ROBO1: variants seen among roughly 807,000 people sequenced by gnomAD.
The protein encoded by ROBO1 is roundabout guidance receptor 1, also known as roundabout homolog 1.
ROBO1 carries 149 observed loss-of-function variants against 195.9 expected under a neutral mutation model. That is an observed-to-expected ratio of 0.76 (90% confidence interval 0.67 to 0.87). The LOEUF (loss-of-function observed/expected upper bound fraction) is 0.87, where lower values mean the gene tolerates loss of function less well. ROBO1 is among the 40% of genes least tolerant of loss of function. The pLI is 0.00. For missense variants in ROBO1, 1,933 were observed against 2,068.3 expected, an observed-to-expected ratio of 0.93 and a Z score of 1.27; for synonymous variants, 816 against 733.2, an observed-to-expected ratio of 1.11 and a Z score of -1.82.
intron 4 of ROBO1, among the ~76,000 whole-genome samples, chr3:78,908,821 T>C (rs1482742295): frequency 5.3e-5 from 8 of 151,952 alleles, no homozygotes; most frequent in Non-Finnish European, 7.4e-5. Flanking sequence ...TCTAATAGTT[T>C]AGTCTTTAGT....
At chr3:79,703,986 G>C (rs1415788930) in intron 1 of ROBO1, among the ~76,000 whole-genome samples, 1 of 151,916 alleles carries the variant, frequency 6.6e-6, no homozygotes, top group Non-Finnish European at 1.5e-5. Context: ...GACACCTACA[G>C]TCATAATATG....
At chr3:79,070,140 A>G (rs2079062993) in intron 3 of ROBO1, among the ~76,000 whole-genome samples, 1 of 151,862 alleles carries the variant, frequency 6.6e-6, no homozygotes, top group African/African-American at 2.4e-5. Flanking sequence ...TCTCCTGAGA[A>G]AGAGAAGAAT....
At chr3:79,108,783 T>C (rs1394052663) in intron 3 of ROBO1, among the ~76,000 whole-genome samples, 1 of 151,864 alleles carries the variant, frequency 6.6e-6, no homozygotes, top group Non-Finnish European at 1.5e-5. Context: ...ACCCCTATTC[T>C]AGGAATGGTA....
intron 2 of ROBO1, among the ~76,000 whole-genome samples, chr3:79,507,290 T>A (rs932921350): frequency 2.6e-5 from 4 of 152,168 alleles, no homozygotes; most frequent in Non-Finnish European, 4.4e-5. Flanking sequence ...GTCTACACAC[T>A]CTGAGAACAA....
chr3:79,317,334 C>A (rs1365708700), intron 2 of ROBO1, among the ~76,000 whole-genome samples: 1 of 152,044 alleles, frequency 6.6e-6, no homozygotes, highest in Non-Finnish European at 1.5e-5. Context: ...TTCCATCTGA[C>A]CCTCATTTTC....
intron 1 of ROBO1, among the ~76,000 whole-genome samples, chr3:79,650,933 T>C (rs1435777911): frequency 2.0e-5 from 3 of 152,042 alleles, no homozygotes; most frequent in Admixed American, 1.3e-4. Context: ...AAATGTTTTC[T>C]CTTTTCTCAT....
At chr3:79,623,757 A>C (rs1013705831) in intron 1 of ROBO1, among the ~76,000 whole-genome samples, 3 of 152,208 alleles carry the variant, frequency 2.0e-5, no homozygotes, top group Non-Finnish European at 4.4e-5. Context: ...AATGGAAACA[A>C]GCTGTTAAAC....
In ROBO1 at chr3:79,120,790, A is replaced by G. The variant is rs139249440; in HGVS notation, c.172+4666T>C. On this transcript the variant is annotated intron_variant, in intron 3 of 30. Transcript: ENST00000464233. ...TATACAGAAAAGGAAAGGTACTTAC[A>G]GTGTCATACTTAGCTCTGAAGCAGA... Among the ~76,000 whole-genome samples, 244 of 152,286 alleles carry G rather than the reference A, an allele frequency of 1.6e-3. 2 individuals carry two copies. The highest frequency in any genetic ancestry group is 5.3e-3 in the African/African-American group (222 of 41,572).
In ROBO1 at chr3:78,938,873, T is replaced by C; in HGVS notation, c.227A>G (p.Asp76Gly). The part of the protein sequence containing the change: ...FPPRIVEHPS[D>G]LIVSKGEPAT... ...AGGTTCTCCTTTTGAGACAATCAGGTCTGAAGGGTGTTCAACAATGCGAGG... is the reference window on the plus strand; with the variant it reads ...AGGTTCTCCTTTTGAGACAATCAGGCCTGAAGGGTGTTCAACAATGCGAGG... The change falls in exon 4 of 31, where the codon GAC becomes GGC. Residue 76 changes from aspartate to glycine, a missense_variant. Physicochemically the swap from Asp to Gly is moderately conservative, Grantham distance 94. Around this residue, in one of 3 missense-constraint regions of ROBO1, gnomAD observed 185 missense variants for 159.5 expected, o/e 1.16. Transcript: ENST00000464233. 6.2e-7 allele frequency: 1 copy of C among 1,613,984 alleles called. No individual in the cohort carries two copies. The highest frequency in any genetic ancestry group is 1.1e-5 in the South Asian group (1 of 91,078).
At chr3:78,922,717 C>T (rs1348657160) in intron 4 of ROBO1, among the ~76,000 whole-genome samples, 5 of 150,160 alleles carry the variant, frequency 3.3e-5, no homozygotes, top group South Asian at 2.2e-4. Flanking sequence ...TCAAGCGATT[C>T]TCCTGCCTCA....
chr3:79,711,640 C>A (rs1702278846), intron 1 of ROBO1, among the ~76,000 whole-genome samples: 1 of 151,832 alleles, frequency 6.6e-6, no homozygotes, highest in South Asian at 2.1e-4. Context: ...GCTAATGTTA[C>A]TGTTAAAACA....
chr3:79,000,664 A>G (rs144724244), intron 3 of ROBO1, among the ~76,000 whole-genome samples: 1 of 152,296 alleles, frequency 6.6e-6, no homozygotes, highest in African/African-American at 2.4e-5. Context: ...GAACACTTTT[A>G]CACTGTTGGG....
chr3:79,698,343 C>T (rs1020205966), intron 1 of ROBO1, among the ~76,000 whole-genome samples: 3 of 151,278 alleles, frequency 2.0e-5, no homozygotes, highest in Non-Finnish European at 4.4e-5. Context: ...GCTCATTCTA[C>T]CTTTATTATT....
intron 1 of ROBO1, among the ~76,000 whole-genome samples, chr3:79,624,530 A>C (rs1454835698): frequency 6.6e-6 from 1 of 152,214 alleles, no homozygotes; most frequent in Non-Finnish European, 1.5e-5. Flanking sequence ...GGAAAGGAAA[A>C]AAAGCAGGGA....
intron 18 of ROBO1, among the ~76,000 whole-genome samples, chr3:78,656,523 T>C (rs988555321): frequency 6.6e-6 from 1 of 151,934 alleles, no homozygotes; most frequent in African/African-American, 2.4e-5. Context: ...GCTAGTTTTT[T>C]TGTATTTTTA....
intron 5 of ROBO1, among the ~76,000 whole-genome samples, chr3:78,736,210 T>G (rs1243776447): frequency 2.6e-5 from 4 of 152,144 alleles, no homozygotes; most frequent in African/African-American, 4.8e-5. Context: ...ATTAGCAACT[T>G]TTCATTCCTG....
intron 4 of ROBO1, among the ~76,000 whole-genome samples, chr3:78,809,829 G>A (rs1403952065): frequency 1.3e-5 from 2 of 152,026 alleles, no homozygotes; most frequent in Admixed American, 6.6e-5. Flanking sequence ...ATCACACACC[G>A]AAGCCTCTTG....
At chr3:79,126,929 T>TC (rs918313305) in intron 2 of ROBO1, among the ~76,000 whole-genome samples, 29 of 150,172 alleles carry the variant, frequency 1.9e-4, no homozygotes, top group Admixed American at 1.3e-3. Flanking sequence ...GCGGCATATT[T>TC]CCCCCCCTAA....
At chr3:79,463,389 A>C (rs1375708279) in intron 2 of ROBO1, among the ~76,000 whole-genome samples, 5 of 145,560 alleles carry the variant, frequency 3.4e-5, no homozygotes, top group Non-Finnish European at 7.5e-5. Flanking sequence ...AAAAAACATA[A>C]AACAAAAAAC....
Sources: gnomAD v4.1 joint callset for allele counts (sites outside exome capture counted in the v4.1 genomes callset) on GRCh38, gnomAD v4.1.1 for gene constraint, gnomAD v4.1.1 regional missense constraint, MANE v1.5 for transcripts, NCBI Gene and HGNC (gene_info 2026-07-23, HGNC 2026-07-21) for gene names.